GLRA2: variants seen among roughly 807,000 people sequenced by gnomAD.
The protein encoded by GLRA2 is glycine receptor subunit alpha-2.
GLRA2 carries 11 observed loss-of-function variants against 31.6 expected under a neutral mutation model. The observed-to-expected ratio is 0.35, with a 90% confidence interval of 0.22 to 0.58. The LOEUF (loss-of-function observed/expected upper bound fraction) is 0.58, where lower values mean the gene tolerates loss of function less well. Ranked by LOEUF, GLRA2 falls within the 20% of genes least tolerant of loss-of-function variation. GLRA2 has a pLI of 0.84. For missense variants in GLRA2, 212 were observed against 351.8 expected (o/e 0.60, Z 3.18); for synonymous variants, 132 against 134.0 (o/e 0.99, Z 0.10).
chrX:14,608,898 G>A (rs760359487), intron 6 of GLRA2, 93 bp from the exon 7 acceptor site: 628 of 472,310 alleles, frequency 1.3e-3, no homozygotes, highest in Middle Eastern at 8.5e-3. Flanking sequence ...ATCTGCAGTA[G>A]TCTTTTTTTT....
the GLRA2 span, among the ~76,000 whole-genome samples, chrX:14,479,788 G>A: frequency 2.7e-5 from 3 of 111,615 alleles, no homozygotes; most frequent in Non-Finnish European, 5.7e-5. Context: ...TGGGAACCTA[G>A]GTTGATTCCG....
chrX:14,523,026 A>T, the GLRA2 span, among the ~76,000 whole-genome samples: 1 of 112,236 alleles, frequency 8.9e-6, no homozygotes, highest in East Asian at 2.8e-4. Context: ...CTCTCTAGCT[A>T]TGAAAGTCCT....
chrX:14,541,473 A>G (rs939838559), intron 2 of GLRA2, among the ~76,000 whole-genome samples: 1 of 111,699 alleles, frequency 9.0e-6, no homozygotes, highest in Non-Finnish European at 1.9e-5. Context: ...TCATTTTTAA[A>G]CCAAACATAC....
chrX:14,679,475 C>A (rs1269798436), intron 7 of GLRA2, among the ~76,000 whole-genome samples: 1 of 110,588 alleles, frequency 9.0e-6, no homozygotes, highest in African/African-American at 3.3e-5. Flanking sequence ...TATACTCCAC[C>A]TCAAAACCAT....
chrX:14,673,793 CTG>C (rs1475715832), intron 7 of GLRA2, among the ~76,000 whole-genome samples: 3 of 112,527 alleles, frequency 2.7e-5, no homozygotes, highest in African/African-American at 9.7e-5. Context: ...TAATTGCTGA[CTG>C]AGAAAACAAA....
intron 2 of GLRA2, among the ~76,000 whole-genome samples, chrX:14,571,811 A>T (rs2089888701): frequency 9.0e-6 from 1 of 111,649 alleles, no homozygotes; most frequent in Admixed American, 9.5e-5. Flanking sequence ...GATGTAAAGG[A>T]TTAAGAAAGG....
chrX:14,631,151 C>A (rs1453183787), intron 7 of GLRA2, among the ~76,000 whole-genome samples: 1 of 111,516 alleles, frequency 9.0e-6, no homozygotes, highest in Non-Finnish European at 1.9e-5. Flanking sequence ...TTTTCAAATT[C>A]ATTAACCTTT....
chrX:14,490,452 A>G, the GLRA2 span, among the ~76,000 whole-genome samples: 2 of 112,326 alleles, frequency 1.8e-5, no homozygotes, highest in African/African-American at 6.5e-5. Context: ...AAACAGTTTA[A>G]AAATAGTACA....
chrX:14,580,860 T>C, intron 3 of GLRA2, among the ~76,000 whole-genome samples: 1 of 111,523 alleles, frequency 9.0e-6, no homozygotes, highest in Non-Finnish European at 1.9e-5. Context: ...CAGACTGATT[T>C]CTGTGTTCAT....
At chrX:14,493,709 A>ACGTATATATGTATACACG in the GLRA2 span, among the ~76,000 whole-genome samples, 1 of 90,792 alleles carries the variant, frequency 1.1e-5, no homozygotes, top group African/African-American at 5.3e-5. Flanking sequence ...ATGTATACAC[A>ACGTATATATGTATACACG]TGTATACATA....
At chrX:14,575,806 C>T (rs113358508) in intron 3 of GLRA2, among the ~76,000 whole-genome samples, 2 of 111,672 alleles carry the variant, frequency 1.8e-5, no homozygotes, top group African/African-American at 6.5e-5. Flanking sequence ...TTACCTGTGA[C>T]ATAGCCTATT....
intron 2 of GLRA2, among the ~76,000 whole-genome samples, chrX:14,563,763 A>G (rs1295418126): frequency 1.8e-5 from 2 of 110,916 alleles, no homozygotes; most frequent in East Asian, 5.6e-4. Context: ...GAGAATATCA[A>G]TAAAGAAATA....
At chrX:14,558,032 A>G (rs764871368) in intron 2 of GLRA2, among the ~76,000 whole-genome samples, 26 of 111,787 alleles carry the variant, frequency 2.3e-4, no homozygotes, top group Non-Finnish European at 1.9e-4. Context: ...AACAAAACAA[A>G]ACAAAGTTTA....
chrX:14,673,943 T>G (rs1317082876), intron 7 of GLRA2, among the ~76,000 whole-genome samples: 18 of 112,324 alleles, frequency 1.6e-4, no homozygotes, highest in Non-Finnish European at 1.9e-5. Context: ...CCACATCAGA[T>G]GTTGTCATCT....
At chrX:14,693,393 T>C (rs2091392426) in intron 8 of GLRA2, among the ~76,000 whole-genome samples, 1 of 111,601 alleles carries the variant, frequency 9.0e-6, no homozygotes, top group South Asian at 3.7e-4. Flanking sequence ...TATTTCATAA[T>C]CAAAATGATC....
At chrX:14,726,488 G>T (rs1371064652) in intron 8 of GLRA2, among the ~76,000 whole-genome samples, 4 of 112,326 alleles carry the variant, frequency 3.6e-5, no homozygotes, top group Non-Finnish European at 7.5e-5. Flanking sequence ...TTAAAGAATT[G>T]ATTAAATTAG....
At chrX:14,560,797 CAAAAAAAAAAA>C (rs760583127) in intron 2 of GLRA2, among the ~76,000 whole-genome samples, 7 of 41,247 alleles carry the variant, frequency 1.7e-4, no homozygotes, top group African/African-American at 5.4e-4. Flanking sequence ...GACCCTGTCT[CAAAAAAAAAAA>C]AAAAAAAAAA....
At chrX:14,479,798 G>A in the GLRA2 span, among the ~76,000 whole-genome samples, 6 of 111,422 alleles carry the variant, frequency 5.4e-5, no homozygotes, top group Non-Finnish European at 1.1e-4. Context: ...GGTTGATTCC[G>A]TATCTTTGCT....
At chrX:14,480,214 G>T in the GLRA2 span, among the ~76,000 whole-genome samples, 1 of 111,696 alleles carries the variant, frequency 9.0e-6, no homozygotes, top group African/African-American at 3.3e-5. Flanking sequence ...GGGGTTATTT[G>T]TTTTTTGTTT....
Sources: allele counts gnomAD v4.1 joint callset (sites outside exome capture counted in the v4.1 genomes callset), GRCh38; gene constraint gnomAD v4.1.1; transcripts MANE v1.5; gene names NCBI Gene and HGNC (gene_info 2026-07-23, HGNC 2026-07-21).